The following EYS variants were observed in gnomAD, a reference collection of about 807,000 sequenced individuals.
The protein encoded by EYS is EGF-like photoreceptor maintenance factor.
In EYS, 250 loss-of-function variants were observed where a neutral mutation model predicts 282.1. The ratio of observed to expected loss-of-function variants is 0.89; its 90% CI spans 0.80 to 0.98. The LOEUF (loss-of-function observed/expected upper bound fraction) is 0.98. Ranked by LOEUF, EYS falls within the 50% of genes least tolerant of loss-of-function variation. EYS has a pLI of 0.00. For synonymous variants in EYS, 1,355 were observed against 1,282.9 expected, an observed-to-expected ratio of 1.06 and a Z score of -1.20; for missense variants, 4,016 against 3,709.0, an observed-to-expected ratio of 1.08 and a Z score of -2.15.
chr6:64,167,361 T>C (rs1764322130), intron 31 of EYS, among the ~76,000 whole-genome samples: 1 of 152,264 alleles, frequency 6.6e-6, no homozygotes, highest in Admixed American at 6.5e-5. Flanking sequence ...GGATTATTGA[T>C]GTTTAAGTTC....
chr6:64,682,262 G>A (rs930172974), intron 22 of EYS, among the ~76,000 whole-genome samples: 3 of 152,078 alleles, frequency 2.0e-5, no homozygotes, highest in Non-Finnish European at 2.9e-5. Context: ...CAGCTACTCC[G>A]GAGGCTGAGG....
chr6:65,329,956 A>C (rs1468779760), intron 11 of EYS: 1 of 975,900 alleles, frequency 1.0e-6, no homozygotes. Context: ...GGATATATTT[A>C]ACATTACACA....
At chr6:64,632,777 G>C (rs188949599) in intron 22 of EYS, among the ~76,000 whole-genome samples, 1 of 152,246 alleles carries the variant, frequency 6.6e-6, no homozygotes. Context: ...CAAAGCCAAT[G>C]ATCTGAGCAG....
intron 19 of EYS, among the ~76,000 whole-genome samples, chr6:64,863,378 A>G (rs991096496): frequency 6.6e-6 from 1 of 152,176 alleles, no homozygotes; most frequent in African/African-American, 2.4e-5. Context: ...TGTTTTAAGT[A>G]GCACATGGCA....
At chr6:65,021,279 C>G (rs905761987) in intron 13 of EYS, among the ~76,000 whole-genome samples, 1 of 152,162 alleles carries the variant, frequency 6.6e-6, no homozygotes, top group African/African-American at 2.4e-5. Flanking sequence ...ATTGCTTCTG[C>G]TAAATATCCT....
At chr6:65,208,267 C>G (rs1340158718) in intron 12 of EYS, among the ~76,000 whole-genome samples, 2 of 151,690 alleles carry the variant, frequency 1.3e-5, no homozygotes, top group East Asian at 3.9e-4. Flanking sequence ...TTATACCAGT[C>G]AGAATGGGTA....
At chr6:64,659,385 CA>C (rs1768900791) in intron 22 of EYS, among the ~76,000 whole-genome samples, 1 of 152,122 alleles carries the variant, frequency 6.6e-6, no homozygotes, top group South Asian at 2.1e-4. Flanking sequence ...TAACTAAGAT[CA>C]GAGCAGAACT....
At position 64,502,221 on chromosome 6, in the gene EYS, G is replaced by GT. The variant is rs10710004; in HGVS notation, c.5645-62870dup. Reference sequence around the variant, plus strand: ...AATGGCAGAACCAGACAGCAGGCTGGTTTTTTTTTTGTTTTGTTTTGTTTT... The same window carrying GT: ...AATGGCAGAACCAGACAGCAGGCTGGTTTTTTTTTTTGTTTTGTTTTGTTTT... On this transcript the variant is annotated intron_variant, in intron 26 of 42. Coordinates refer to ENST00000503581, the MANE Select transcript of EYS (RefSeq NM_001142800.2). Among the ~76,000 whole-genome samples, 613 of 149,996 alleles carry GT rather than the reference G, an allele frequency of 4.1e-3. 3 individuals are homozygous for GT. The highest frequency in any genetic ancestry group is 6.8e-3 in the Middle Eastern group (2 of 292).
Position 64,957,810 on chromosome 6 carries a change from C to T in EYS, c.2260-11896G>A, listed in dbSNP as rs1301879441. 5.3e-5 allele frequency among the ~76,000 whole-genome samples: 8 copies of T among 152,016 alleles called. No individual in the cohort carries two copies. In the East Asian group the frequency reaches 9.6e-4, roughly 18 times the overall value. ...TTAGTGCCTGTAAAAGTGGAAAAATCGTCTAGGCTTTTTCACAGCAAAACA... is the reference window on the plus strand; with the variant it reads ...TTAGTGCCTGTAAAAGTGGAAAAATTGTCTAGGCTTTTTCACAGCAAAACA... On this transcript the variant is annotated intron_variant, in intron 14 of 42. Coordinates refer to ENST00000503581, the MANE Select transcript of EYS (RefSeq NM_001142800.2).
chr6:65,619,620 C>G (rs1229504378), intron 2 of EYS, among the ~76,000 whole-genome samples: 1 of 151,928 alleles, frequency 6.6e-6, no homozygotes, highest in African/African-American at 2.4e-5. Context: ...GAGGGCATCC[C>G]TGTCTTGTGC....
At chr6:65,524,069 G>A (rs1278677948) in intron 2 of EYS, among the ~76,000 whole-genome samples, 6 of 152,008 alleles carry the variant, frequency 3.9e-5, no homozygotes, top group African/African-American at 1.2e-4. Context: ...ACGGGGTTTC[G>A]CCATGTTGGC....
At chr6:64,698,206 A>C (rs935431350) in intron 22 of EYS, among the ~76,000 whole-genome samples, 5 of 152,156 alleles carry the variant, frequency 3.3e-5, no homozygotes, top group African/African-American at 1.2e-4. Flanking sequence ...AGAGAAGTTT[A>C]TTGCATTAAA....
At chr6:65,549,155 G>A (rs947808211) in intron 2 of EYS, among the ~76,000 whole-genome samples, 6 of 152,116 alleles carry the variant, frequency 3.9e-5, no homozygotes, top group South Asian at 4.1e-4. Flanking sequence ...GACACAAACC[G>A]GCACTGGTCC....
At chr6:64,448,100 T>C (rs139753546) in intron 26 of EYS, among the ~76,000 whole-genome samples, 1 of 152,184 alleles carries the variant, frequency 6.6e-6, no homozygotes, top group Non-Finnish European at 1.5e-5. Context: ...GGAATTCCCT[T>C]TCCTAGTCAA....
chr6:64,545,324 T>G (rs6933578), intron 26 of EYS, among the ~76,000 whole-genome samples: 64,088 of 151,988 alleles, frequency 0.42, 13,590 homozygotes, highest in South Asian at 0.55. Context: ...TCAACGACCC[T>G]TCATGCTAAA....
intron 2 of EYS, among the ~76,000 whole-genome samples, chr6:65,558,043 C>G (rs1003819496): frequency 5.3e-5 from 8 of 152,264 alleles, no homozygotes; most frequent in Non-Finnish European, 8.8e-5. Context: ...CAGACTCCAC[C>G]CAGAACTGGC....
intron 26 of EYS, among the ~76,000 whole-genome samples, chr6:64,500,545 G>A (rs1201538701): frequency 6.6e-6 from 1 of 152,036 alleles, no homozygotes; most frequent in Non-Finnish European, 1.5e-5. Context: ...GTGTAGGTAT[G>A]GCAAAATTTT....
intron 22 of EYS, among the ~76,000 whole-genome samples, chr6:64,704,464 A>G (rs1399644232): frequency 1.2e-5 from 1 of 80,216 alleles, no homozygotes; most frequent in African/African-American, 4.5e-5. Context: ...TAATTATAAT[A>G]TAATACTTAT....
intron 30 of EYS, among the ~76,000 whole-genome samples, chr6:64,306,162 G>C (rs1461797461): frequency 6.6e-6 from 1 of 152,066 alleles, no homozygotes; most frequent in African/African-American, 2.4e-5. Context: ...AATCAAAACT[G>C]TGAGGCTCAA....
Sources: allele counts gnomAD v4.1 joint callset (sites outside exome capture counted in the v4.1 genomes callset), GRCh38; gene constraint gnomAD v4.1.1; transcripts MANE v1.5; gene names NCBI Gene and HGNC (gene_info 2026-07-23, HGNC 2026-07-21).